The following ZNF782 variants were observed in gnomAD, a reference collection of about 807,000 sequenced individuals.
The protein encoded by ZNF782 is zinc finger protein 782.
In ZNF782, 12 loss-of-function variants were observed where a neutral mutation model predicts 13.0. The ratio of observed to expected loss-of-function variants is 0.92; its 90% CI spans 0.59 to 1.50. The LOEUF is 1.50. ZNF782 is among the 40% of genes most tolerant of loss of function. The pLI is 0.00. For synonymous variants in ZNF782, 284 were observed against 283.0 expected (o/e 1.00, Z -0.04); for missense variants, 770 against 822.9 (o/e 0.94, Z 0.79).
chr9:96,933,201 A>G, the ZNF782 span, among the ~76,000 whole-genome samples: 2 of 147,462 alleles, frequency 1.4e-5, no homozygotes, highest in Non-Finnish European at 3.0e-5. Context: ...GATGCTCTCA[A>G]TCTCCTGCCC....
intron 5 of ZNF782, among the ~76,000 whole-genome samples, chr9:96,825,470 C>T (rs1198515483): frequency 6.6e-6 from 1 of 152,106 alleles, no homozygotes; most frequent in Non-Finnish European, 1.5e-5. Flanking sequence ...AAAACCTAGG[C>T]ATTACCATTC....
chr9:96,913,142 C>T, the ZNF782 span, among the ~76,000 whole-genome samples: 2 of 151,630 alleles, frequency 1.3e-5, no homozygotes, highest in Non-Finnish European at 2.9e-5. Context: ...TGGTGAAACC[C>T]CGTCTCTACT....
chr9:96,875,937 G>A (rs1851887973), upstream of ZNF782, among the ~76,000 whole-genome samples: 1 of 152,184 alleles, frequency 6.6e-6, no homozygotes, highest in African/African-American at 2.4e-5. Context: ...TGTGGCGCGC[G>A]AGCCATTCGG....
chr9:96,853,331 A>G (rs1851558425), intron 1 of ZNF782, among the ~76,000 whole-genome samples: 1 of 151,982 alleles, frequency 6.6e-6, no homozygotes, highest in African/African-American at 2.4e-5. Context: ...GACCATACAC[A>G]TCTAGGATCT....
In ZNF782 at chr9:96,817,540, T is replaced by C. The variant is rs1386931338; in HGVS notation, c.*383A>G. On this transcript the variant is annotated 3_prime_UTR_variant, in exon 6 of 6. Transcript: ENST00000481138. ...TATTATATTCTAGCTTTTGTCATTG[T>C]GTGATTTCTCTGATGGTGAATGAGT... is the stretch of plus-strand genomic sequence containing the variant. 5 of 170,014 alleles carry C rather than the reference T, an allele frequency of 2.9e-5. No individual in the cohort carries two copies. Among genetic ancestry groups the C allele is most frequent in the Non-Finnish European group, 1.2e-5 (1 of 80,598 alleles). 10.5% of individuals were successfully genotyped at this position (170,014 alleles called of 1,614,324 possible).
chr9:96,912,184 T>G, the ZNF782 span, among the ~76,000 whole-genome samples: 1 of 109,196 alleles, frequency 9.2e-6, no homozygotes, highest in African/African-American at 3.7e-5. Context: ...TGGGCAAGAG[T>G]GAAACTCCGT....
rs1004076157 is a variant in ZNF782, at chr9:96,854,275, C to T, written c.-449G>A. On this transcript the variant is annotated 5_prime_UTR_variant, in exon 1 of 6. Coordinates refer to ENST00000481138, the MANE Select transcript of ZNF782 (RefSeq NM_001001662.3). ...CCGGACCAACGCTCAGCCTCAGCCG[C>T]CCCGGGAGCCAGCGGCCGAAGTCCC... The T allele has an allele frequency of 6.6e-6, 1 of 152,416 alleles. No individual in the cohort carries two copies. Among genetic ancestry groups the T allele is most frequent in the Non-Finnish European group, 1.5e-5 (1 of 68,182 alleles). The allele number at this position is 152,416 out of a possible 1,614,324, so 9.4% of individuals were successfully genotyped here. A position where few individuals can be genotyped will look rare whatever the true frequency, so the allele number is the denominator to read the frequency against.
chr9:96,893,364 A>G, the ZNF782 span: 16 of 152,236 alleles, frequency 1.1e-4, no homozygotes, highest in African/African-American at 3.4e-4. Context: ...TGATCATTAA[A>G]AAGTCAGGAA....
chr9:96,929,174 C>T, the ZNF782 span: 5 of 1,417,494 alleles, frequency 3.5e-6, no homozygotes, highest in African/African-American at 4.2e-5. Flanking sequence ...AAGGACATCA[C>T]ACCTGGGGAT....
the ZNF782 span, among the ~76,000 whole-genome samples, chr9:96,884,066 T>C: frequency 6.6e-6 from 1 of 152,230 alleles, no homozygotes; most frequent in African/African-American, 2.4e-5. Context: ...TACTACCCTC[T>C]ACCCTGTGGA....
At chr9:96,918,181 A>C in the ZNF782 span, among the ~76,000 whole-genome samples, 4,539 of 137,048 alleles carry the variant, frequency 0.033, 123 homozygotes, top group African/African-American at 0.075. Context: ...GCAGGTGGAT[A>C]ACTTGAGTCA....
chr9:96,885,505 A>T, the ZNF782 span, among the ~76,000 whole-genome samples: 5 of 152,184 alleles, frequency 3.3e-5, no homozygotes, highest in Admixed American at 2.0e-4. Flanking sequence ...TCTATAAGAC[A>T]ATAACTAAAG....
rs551373170 is a variant in ZNF782 at position 96,818,090 on chromosome 9, G to C, written c.1933C>G (p.Pro645Ala). ...KHQRTHTGEKPYNCNQCGEAF... is the reference protein window; with the variant it reads ...KHQRTHTGEKAYNCNQCGEAF... ...TCCCCACACTGATTACAATTATATG[G>C]TTTCTCCCCGGTGTGAGTTCGCTGA... Residue 645 changes from proline (P) to alanine (A), a missense_variant, in exon 6 of 6, where the codon CCA becomes GCA. Coordinates refer to ENST00000481138, the MANE Select transcript of ZNF782 (RefSeq NM_001001662.3). 1 of 1,613,740 alleles carries C rather than the reference G, an allele frequency of 6.2e-7. No individual in the cohort carries two copies. The highest frequency in any genetic ancestry group is 2.2e-5 in the East Asian group (1 of 44,828).
Position 96,817,778 on chromosome 9 carries a change from A to G in ZNF782, c.*145T>C. The G allele has an allele frequency of 3.0e-6, 2 of 669,720 alleles. No individual in the cohort carries two copies. Among genetic ancestry groups the G allele is most frequent in the South Asian group, 2.9e-5 (1 of 34,550 alleles). The allele number at this position is 669,720 out of a possible 1,614,324, so 41.5% of individuals were successfully genotyped here. A position where few individuals can be genotyped will look rare whatever the true frequency, so the allele number is the denominator to read the frequency against. On this transcript the variant is annotated 3_prime_UTR_variant, in exon 6 of 6. Transcript: ENST00000481138. ...AATAGATTTCAACAATTTATCTTCT[A>G]TTCTTTGATATTTGGTGGAGGCTGA...
At chr9:96,892,662 T>C in the ZNF782 span, 1 of 152,222 alleles carries the variant, frequency 6.6e-6, no homozygotes, top group Non-Finnish European at 1.5e-5. Flanking sequence ...TCTTTAATTT[T>C]TTTTCTTGAA....
the ZNF782 span, among the ~76,000 whole-genome samples, chr9:96,905,760 A>G: frequency 2.0e-5 from 3 of 152,174 alleles, no homozygotes; most frequent in African/African-American, 7.2e-5. Flanking sequence ...TAATTTTTGT[A>G]TTTTTATGAG....
the ZNF782 span, among the ~76,000 whole-genome samples, chr9:96,911,653 T>C: frequency 3.3e-5 from 5 of 149,684 alleles, no homozygotes; most frequent in African/African-American, 1.2e-4. Flanking sequence ...CCCCAGTAGC[T>C]GGGACTACAG....
At chr9:96,825,137 A>G (rs1397433882) in intron 5 of ZNF782, among the ~76,000 whole-genome samples, 15 of 152,098 alleles carry the variant, frequency 9.9e-5, no homozygotes, top group African/African-American at 3.6e-4. Flanking sequence ...GAGGCATCAC[A>G]CTACCTGACT....
At chr9:96,846,148 G>A (rs916536916) in intron 3 of ZNF782, among the ~76,000 whole-genome samples, 1 of 152,134 alleles carries the variant, frequency 6.6e-6, no homozygotes, top group African/African-American at 2.4e-5. Flanking sequence ...TGCATGCTGA[G>A]GGACTTTGTC....
Sources: gnomAD v4.1 joint callset for allele counts (sites outside exome capture counted in the v4.1 genomes callset) on GRCh38, gnomAD v4.1.1 for gene constraint, MANE v1.5 for transcripts, NCBI Gene and HGNC (gene_info 2026-07-23, HGNC 2026-07-21) for gene names.